SERTAD4: variants seen among roughly 807,000 people sequenced by gnomAD.
The protein encoded by SERTAD4 is SERTA domain containing 4.
In SERTAD4, 18 loss-of-function variants were observed where a neutral mutation model predicts 32.9. The ratio of observed to expected loss-of-function variants is 0.55; its 90% CI spans 0.38 to 0.81. The LOEUF (loss-of-function observed/expected upper bound fraction) is 0.81. Among genes scored for constraint, SERTAD4 ranks in the 30% least tolerant of loss-of-function variants. The pLI is 0.00. For missense variants in SERTAD4, 383 were observed against 426.0 expected, an observed-to-expected ratio of 0.90 and a Z score of 0.89; for synonymous variants, 150 against 156.4, an observed-to-expected ratio of 0.96 and a Z score of 0.30.
chr1:210,234,734 GGAA>G (rs1314129356), intron 1 of SERTAD4, among the ~76,000 whole-genome samples: 8 of 152,154 alleles, frequency 5.3e-5, no homozygotes, highest in Non-Finnish European at 1.0e-4. Context: ...AATGACAGAT[GGAA>G]GAAGAAGTGA....
rs1410508713 is a variant in SERTAD4 at position 210,244,580 on chromosome 1, CTAAT to C, written c.*2249_*2252del. 1 of 152,152 alleles carries C rather than the reference CTAAT, an allele frequency of 6.6e-6. No homozygotes were observed. Among genetic ancestry groups the C allele is most frequent in the Admixed American group, 6.5e-5 (1 of 15,272 alleles). 9.4% of individuals were successfully genotyped at this position (152,152 alleles called of 1,614,324 possible). A position where few individuals can be genotyped will look rare whatever the true frequency, so the allele number is the denominator to read the frequency against. Reference sequence around the variant, plus strand: ...GATAAAGGGGAAAGCTAGTTAAAAACTAATTAATTTGTCAAATGTAGCATTCTTA... The same window carrying C: ...GATAAAGGGGAAAGCTAGTTAAAAACTAATTTGTCAAATGTAGCATTCTTA... On this transcript the variant is annotated 3_prime_UTR_variant, in exon 4 of 4. Coordinates refer to ENST00000367012, the MANE Select transcript of SERTAD4 (RefSeq NM_019605.5).
In SERTAD4 at chr1:210,244,685, A is replaced by C. The variant is rs985962294; in HGVS notation, c.*2348A>C. On this transcript the variant is annotated 3_prime_UTR_variant, in exon 4 of 4. Transcript: ENST00000367012. ...CCTTCTGCTTTTTAAAAGCCCCAGC[A>C]TTACTAGATAGTGTTTTTCTTGAAG... The C allele has an allele frequency of 6.6e-6, 1 of 152,152 alleles. No individual in the cohort carries two copies. Among genetic ancestry groups the C allele is most frequent in the Non-Finnish European group, 1.5e-5 (1 of 68,020 alleles). 9.4% of individuals were successfully genotyped at this position (152,152 alleles called of 1,614,324 possible).
At chr1:210,237,896 G>A in intron 1 of SERTAD4, 48 bp from the exon 2 acceptor site, 1 of 1,508,564 alleles carries the variant, frequency 6.6e-7, no homozygotes, top group Non-Finnish European at 9.1e-7. Flanking sequence ...GCTTGCTCTT[G>A]ATTAGGGCTG....
intron 3 of SERTAD4, among the ~76,000 whole-genome samples, chr1:210,239,914 T>G (rs994034162): frequency 3.3e-5 from 5 of 152,174 alleles, no homozygotes; most frequent in African/African-American, 1.2e-4. Flanking sequence ...TTCCACACTT[T>G]TGTGTGTGGG....
intron 1 of SERTAD4, chr1:210,233,500 G>A (rs1377349970): frequency 5.7e-6 from 2 of 352,710 alleles, no homozygotes; most frequent in Non-Finnish European, 1.1e-5. Flanking sequence ...GATGTCAGGA[G>A]CGCGCGTTTG....
intron 1 of SERTAD4, chr1:210,233,822 A>G (rs1330432471): frequency 4.3e-6 from 2 of 469,668 alleles, no homozygotes; most frequent in Admixed American, 2.4e-5. Flanking sequence ...GCGGGCTTCC[A>G]GCGGGTTTGG....
chr1:210,240,585 C>T lies in SERTAD4; in HGVS notation c.292-973C>T, dbSNP rs1276388142. Reference sequence around the variant, plus strand: ...TTGATGGCCTGGAATAACTGGTCCCCAGGACACAAGCAGTTTATTTCCTTT... The same window carrying T: ...TTGATGGCCTGGAATAACTGGTCCCTAGGACACAAGCAGTTTATTTCCTTT... On this transcript the variant is annotated intron_variant, in intron 3 of 3. Coordinates refer to ENST00000367012, the MANE Select transcript of SERTAD4 (RefSeq NM_019605.5). 2.0e-5 allele frequency among the ~76,000 whole-genome samples: 3 copies of T among 152,186 alleles called. No homozygotes were observed. The East Asian group carries it at 5.8e-4, about 29-fold the overall frequency.
At chr1:210,238,199 G>T in intron 2 of SERTAD4, 64 bp downstream of exon 2, 1 of 1,008,008 alleles carries the variant, frequency 9.9e-7, no homozygotes, top group South Asian at 1.6e-5. Flanking sequence ...CAGCCTGGTG[G>T]ACAGGAGGTG....
At position 210,241,555 on chromosome 1, in the gene SERTAD4, TAGAC is replaced by T. The variant is rs2083995252; in HGVS notation, c.292-2_293del. The T allele has an allele frequency of 6.5e-7, 1 of 1,531,866 alleles. No homozygotes were observed. The highest frequency in any genetic ancestry group is 8.7e-7 in the Non-Finnish European group (1 of 1,145,962). The allele number at this position is 1,531,866 out of a possible 1,614,324, so 94.9% of individuals were successfully genotyped here. A position where few individuals can be genotyped will look rare whatever the true frequency, so the allele number is the denominator to read the frequency against. ...TTTTCTTTTTTTTTTTTTTGGTTTG[TAGAC>T]CATCTCAATTTTTGAGGAACGAGCC... On this transcript the variant is annotated splice_acceptor_variant and coding_sequence_variant, in exon 4 of 4. Coordinates refer to ENST00000367012, the MANE Select transcript of SERTAD4 (RefSeq NM_019605.5). LOFTEE classifies it high-confidence loss of function.
chr1:210,242,281 A>C lies in SERTAD4; in HGVS notation c.1015A>C (p.Lys339Gln), dbSNP rs559261349. ...ATCTTGGAAAAAGTCCTTACGGAAA[A>C]AGGAGGCTTCACCACCAAGTAACAA... ...NESWKKSLRKKEASPPSNKLC... is the reference protein window; with the variant it reads ...NESWKKSLRKQEASPPSNKLC... The change falls in exon 4 of 4, where the codon AAG (lysine) becomes CAG (glutamine). Residue 339 changes from lysine (K) to glutamine (Q), a missense_variant. Lys to Gln is a moderately conservative substitution (Grantham distance 53, BLOSUM62 1). Transcript: ENST00000367012. The surrounding 1 kb of genome is among the most constrained non-coding windows in gnomAD (Gnocchi z 4.0). 29 of 1,608,736 alleles carry C rather than the reference A, an allele frequency of 1.8e-5. No homozygotes were observed. The highest frequency in any genetic ancestry group is 1.7e-4 in the Middle Eastern group (1 of 6,018).
chr1:210,241,158 C>T (rs781031924), intron 3 of SERTAD4, among the ~76,000 whole-genome samples: 4 of 152,120 alleles, frequency 2.6e-5, no homozygotes, highest in African/African-American at 4.8e-5. Flanking sequence ...CACTACCCCT[C>T]GCCCCGCTCA....
At chr1:210,238,646 G>T (rs74156113) in intron 2 of SERTAD4, among the ~76,000 whole-genome samples, 4 of 152,074 alleles carry the variant, frequency 2.6e-5, no homozygotes, top group African/African-American at 9.7e-5. Context: ...ACTGCTCAAG[G>T]TCATCACCAA....
At chr1:210,241,530 T>TA (rs1188944942) in intron 3 of SERTAD4, 28 bp from the exon 4 acceptor site, 1 of 1,508,058 alleles carries the variant, frequency 6.6e-7, no homozygotes, top group African/African-American at 1.5e-5. Context: ...CTGTTTGTTT[T>TA]TTTCTTTTTT....
At chr1:210,238,540 T>C (rs1303975326) in intron 2 of SERTAD4, among the ~76,000 whole-genome samples, 1 of 152,180 alleles carries the variant, frequency 6.6e-6, no homozygotes, top group Non-Finnish European at 1.5e-5. Flanking sequence ...ATCTGCACTT[T>C]GGGCCAGCAG....
chr1:210,241,645 C>A lies in SERTAD4; in HGVS notation c.379C>A (p.Arg127=). The change falls in exon 4 of 4, where the codon CGA becomes AGA. Residue 127 remains arginine, a synonymous_variant. Transcript: ENST00000367012. ...TATCGATGATCCTGAAGTGTACCTCCGAAGATCTGTCCTTATAAACAATTT... is the reference window on the plus strand; with the variant it reads ...TATCGATGATCCTGAAGTGTACCTCAGAAGATCTGTCCTTATAAACAATTT... The part of the protein sequence containing the change: ...KFIDDPEVYL[R]RSVLINNLMK... The A allele has an allele frequency of 1.1e-5, 17 of 1,613,634 alleles. No individual in the cohort carries two copies. The highest frequency in any genetic ancestry group is 1.4e-5 in the Non-Finnish European group (17 of 1,179,954).
At chr1:210,233,924 CTG>C (rs944921765) in intron 1 of SERTAD4, 12 of 430,038 alleles carry the variant, frequency 2.8e-5, no homozygotes, top group Admixed American at 2.6e-4. Context: ...CTGCCAGCCG[CTG>C]TGAGTCATTT....
rs2083977253 is a variant in SERTAD4, at chr1:210,239,748, T to C, written c.291+140T>C. The C allele has an allele frequency of 5.5e-6, 3 of 545,612 alleles. No homozygotes were observed. In the South Asian group the frequency reaches 9.1e-5, roughly 17 times the overall value. The allele number at this position is 545,612 out of a possible 1,614,324, so 33.8% of individuals were successfully genotyped here. ...TTCTCAGTGGAGCCTCATTAATCGT[T>C]GTCGCTTTTTTGGGTCCTGTGTTAT... On this transcript the variant is annotated intron_variant, in intron 3 of 3. Transcript: ENST00000367012.
Position 210,243,470 on chromosome 1 carries a change from A to T in SERTAD4, c.*1133A>T, listed in dbSNP as rs1455822121. The T allele has an allele frequency of 6.6e-6, 1 of 152,202 alleles. No homozygotes were observed. The highest frequency in any genetic ancestry group is 1.5e-5 in the Non-Finnish European group (1 of 68,040). The allele number at this position is 152,202 out of a possible 1,614,324, so 9.4% of individuals were successfully genotyped here. ...AAAGCATGTGGGTTTTTATATATGAACTTTGCTGTTGATTAAGAAGCACAA... is the reference window on the plus strand; with the variant it reads ...AAAGCATGTGGGTTTTTATATATGATCTTTGCTGTTGATTAAGAAGCACAA... On this transcript the variant is annotated 3_prime_UTR_variant, in exon 4 of 4. Transcript: ENST00000367012.
rs565771651 is a variant in SERTAD4, at chr1:210,234,161, C to G, written c.-18+1150C>G. The G allele has an allele frequency of 3.0e-3, 750 of 249,000 alleles. 3 individuals carry two copies. Among genetic ancestry groups the G allele is most frequent in the Middle Eastern group, 0.01 (7 of 674 alleles). 15.4% of individuals were successfully genotyped at this position (249,000 alleles called of 1,614,324 possible). A position where few individuals can be genotyped will look rare whatever the true frequency, so the allele number is the denominator to read the frequency against. On this transcript the variant is annotated intron_variant, in intron 1 of 3. Transcript: ENST00000367012. ...GGCCGACCGGGCGCTGCTGGCTACCCGGGGAGGGGCTGAGGGCTGCGGCAC... is the reference window on the plus strand; with the variant it reads ...GGCCGACCGGGCGCTGCTGGCTACCGGGGGAGGGGCTGAGGGCTGCGGCAC...
Sources: gnomAD v4.1 joint callset for allele counts (sites outside exome capture counted in the v4.1 genomes callset) on GRCh38, gnomAD v4.1.1 for gene constraint, Gnocchi (gnomAD v3.1) non-coding constraint, MANE v1.5 for transcripts, NCBI Gene and HGNC (gene_info 2026-07-23, HGNC 2026-07-21) for gene names.